ITPK1: variants seen among roughly 807,000 people sequenced by gnomAD.
The protein encoded by ITPK1 is inositol 1,3,4-trisphosphate 5/6-kinase.
Under a neutral mutation model 45.3 loss-of-function variants are expected in ITPK1, and 21 were observed. The observed-to-expected ratio is 0.46, with a 90% CI of 0.33 to 0.67. The LOEUF is 0.67. Among genes scored for constraint, ITPK1 ranks in the 30% least tolerant of loss-of-function variants. ITPK1 has a pLI of 0.02. For synonymous variants in ITPK1, 258 were observed against 253.6 expected, an observed-to-expected ratio of 1.02 and a Z score of -0.16; for missense variants, 474 against 573.5, an observed-to-expected ratio of 0.83 and a Z score of 1.77.
chr14:93,095,001 C>T (rs1892014829), intron 2 of ITPK1, among the ~76,000 whole-genome samples: 1 of 152,240 alleles, frequency 6.6e-6, no homozygotes, highest in African/African-American at 2.4e-5. Flanking sequence ...CAAGGGTCAC[C>T]ACCTGTGGAA....
intron 2 of ITPK1, among the ~76,000 whole-genome samples, chr14:93,113,165 T>C (rs1439899896): frequency 6.6e-6 from 1 of 152,166 alleles, no homozygotes; most frequent in Non-Finnish European, 1.5e-5. Context: ...TTGAAGCCAA[T>C]ATTTTGGCCA....
intron 10 of ITPK1, among the ~76,000 whole-genome samples, chr14:92,944,463 C>A (rs1887583730): frequency 6.6e-6 from 1 of 152,154 alleles, no homozygotes; most frequent in African/African-American, 2.4e-5. Context: ...CAGTGCCCCA[C>A]ACTGACTCAC....
At chr14:93,039,303 C>T (rs1004626026) in intron 3 of ITPK1, among the ~76,000 whole-genome samples, 5 of 152,210 alleles carry the variant, frequency 3.3e-5, no homozygotes, top group African/African-American at 1.2e-4. Flanking sequence ...TGTTCTCTCT[C>T]CTTCTCAGCT....
chr14:93,019,986 A>C (rs1190350285), intron 3 of ITPK1, among the ~76,000 whole-genome samples: 1 of 152,214 alleles, frequency 6.6e-6, no homozygotes, highest in Non-Finnish European at 1.5e-5. Context: ...TCCCAGCAGG[A>C]GCAAGGGTGT....
In ITPK1 at chr14:93,112,284, C is replaced by T. The variant is rs142084669; in HGVS notation, c.95+2785G>A. On this transcript the variant is annotated intron_variant, in intron 2 of 10. Coordinates refer to ENST00000267615, the MANE Select transcript of ITPK1 (RefSeq NM_014216.6). The stretch of plus-strand genomic sequence containing the variant: ...CTGCCCCCTCTCTTGATGGGTTTCC[C>T]CATCTGTAAGACAAAGGGGCTAGAT... Among the ~76,000 whole-genome samples the T allele has an allele frequency of 4.1e-3, 619 of 152,176 alleles. 5 individuals are homozygous for T. Among genetic ancestry groups the T allele is most frequent in the African/African-American group, 0.014 (579 of 41,510 alleles).
In ITPK1 at chr14:92,940,211, G is replaced by A; in HGVS notation, c.*1350C>T. 1 of 986,316 alleles carries A rather than the reference G, an allele frequency of 1.0e-6. No homozygotes were observed. Among genetic ancestry groups the A allele is most frequent in the Non-Finnish European group, 1.2e-6 (1 of 830,532 alleles). 61.1% of individuals were successfully genotyped at this position (986,316 alleles called of 1,614,324 possible). On this transcript the variant is annotated 3_prime_UTR_variant, in exon 11 of 11. Transcript: ENST00000267615. ...CTAGCGTCCTCCATCTCACTGGGCA[G>A]AGGACAGCCCGGAAGCCTTTTTCAC...
At position 93,006,394 on chromosome 14, in the gene ITPK1, T is replaced by C. The variant is rs1349431997; in HGVS notation, c.246+10282A>G. On this transcript the variant is annotated intron_variant, in intron 4 of 10. Transcript: ENST00000267615. ...TCCAGGGTGAATGAACTGTACATGA[T>C]TCTCCATTTCAGATTGGGGGAAGGC... Among the ~76,000 whole-genome samples the C allele has an allele frequency of 2.0e-5, 3 of 152,244 alleles. No individual in the cohort carries two copies. In the East Asian group the frequency reaches 5.8e-4, roughly 29 times the overall value.
intron 3 of ITPK1, chr14:93,066,330 GTGTGTGTGTGTA>G: frequency 1.3e-5 from 6 of 449,034 alleles, no homozygotes; most frequent in Non-Finnish European, 1.8e-5. Context: ...ATGTGTGTGT[GTGTGTGTGTGTA>G]GGGGGCAGAG....
At chr14:93,037,113 G>A (rs1018966820) in intron 3 of ITPK1, 12 of 152,312 alleles carry the variant, frequency 7.9e-5, no homozygotes, top group Admixed American at 3.3e-4. Flanking sequence ...CTCCTGCTCT[G>A]AGCCAGGCCA....
rs536262739 is a variant in ITPK1, at chr14:92,941,568, G to A, written c.1238C>T (p.Ser413Phe). 3.5e-5 allele frequency: 53 copies of A among 1,535,036 alleles called. No individual in the cohort carries two copies. In the African/African-American group the frequency reaches 6.9e-4, roughly 20 times the overall value. The change falls in exon 11 of 11, where the codon TCC becomes TTC. Residue 413 changes from serine to phenylalanine, a missense_variant. This residue lies in a region of ITPK1 where 107 missense variants were observed against 92.9 expected (regional missense o/e 1.15). Coordinates refer to ENST00000267615, the MANE Select transcript of ITPK1 (RefSeq NM_014216.6). ...CVASLATKAS[S>F]Q Reference sequence around the variant, plus strand: ...TGGGTCCCGGCTCCGTGGCTACTGGGAGGAGGCCTTGGTGGCCAGGGAGGC... The same window carrying A: ...TGGGTCCCGGCTCCGTGGCTACTGGAAGGAGGCCTTGGTGGCCAGGGAGGC...
chr14:92,946,067 GGA>G (rs1404509673), intron 10 of ITPK1, among the ~76,000 whole-genome samples: 1 of 152,190 alleles, frequency 6.6e-6, no homozygotes, highest in Non-Finnish European at 1.5e-5. Flanking sequence ...TGACGCAGGT[GGA>G]GAGAGGAGGT....
At chr14:92,941,968 G>A in intron 10 of ITPK1, 64 bp from the exon 11 acceptor site, 6 of 1,435,362 alleles carry the variant, frequency 4.2e-6, no homozygotes, top group Non-Finnish European at 5.8e-6. Context: ...GCAGGGAGGA[G>A]GAGGAGGAGG....
chr14:93,054,694 C>G (rs957824069), intron 3 of ITPK1, among the ~76,000 whole-genome samples: 2 of 152,176 alleles, frequency 1.3e-5, no homozygotes, highest in African/African-American at 4.8e-5. Context: ...AGGAGAGCTT[C>G]AGGAGGGGCG....
intron 9 of ITPK1, among the ~76,000 whole-genome samples, chr14:92,948,820 T>C (rs1224013799): frequency 2.5e-5 from 3 of 119,922 alleles, no homozygotes; most frequent in South Asian, 2.6e-4. Context: ...GAGGGACCCA[T>C]GCCCGGGCAC....
At chr14:93,015,145 G>A (rs926533797) in intron 4 of ITPK1, among the ~76,000 whole-genome samples, 3 of 152,182 alleles carry the variant, frequency 2.0e-5, no homozygotes, top group African/African-American at 7.2e-5. Flanking sequence ...TGTGTAGGTT[G>A]GAGGCAGAGA....
At chr14:92,978,312 A>G (rs537696850) in intron 5 of ITPK1, among the ~76,000 whole-genome samples, 3 of 152,074 alleles carry the variant, frequency 2.0e-5, no homozygotes, top group African/African-American at 7.3e-5. Context: ...AAACAAAGAA[A>G]TGACCAGAAA....
chr14:93,039,773 A>G (rs1337781314), intron 3 of ITPK1, among the ~76,000 whole-genome samples: 1 of 152,212 alleles, frequency 6.6e-6, no homozygotes, highest in African/African-American at 2.4e-5. Context: ...CCTCAAAAAC[A>G]CTTGAGGAGC....
intron 3 of ITPK1, chr14:93,066,407 CT>C (rs751357627): frequency 0.1 from 29,727 of 287,950 alleles, 12 homozygotes; most frequent in South Asian, 0.16. Flanking sequence ...TTTAGCAATT[CT>C]TTTTTTTTTT....
Position 92,993,963 on chromosome 14 carries a change from A to G in ITPK1, c.281T>C (p.Leu94Pro). The G allele has an allele frequency of 6.2e-7, 1 of 1,613,976 alleles. No individual in the cohort carries two copies. Among genetic ancestry groups the G allele is most frequent in the Non-Finnish European group, 8.5e-7 (1 of 1,179,862 alleles). Residue 94 changes from leucine (L) to proline (P), a missense_variant, in exon 5 of 11, where the codon CTG (leucine) becomes CCG (proline). Physicochemically the swap from Leu to Pro is moderately conservative, Grantham distance 98 (BLOSUM62 -3). This residue lies in a region of ITPK1 where 367 missense variants were observed against 480.6 expected (regional missense o/e 0.76). Coordinates refer to ENST00000267615, the MANE Select transcript of ITPK1 (RefSeq NM_014216.6). ...GGTTCTGATGGCAGGGAGCGGGTCC[A>G]GGACGATGGTCTCAGGGTGGGCATC... is the stretch of plus-strand genomic sequence containing the variant. ...YIDAHPETIVLDPLPAIRTLL... is the reference protein window; with the variant it reads ...YIDAHPETIVPDPLPAIRTLL...
Sources: allele counts gnomAD v4.1 joint callset (sites outside exome capture counted in the v4.1 genomes callset), GRCh38; gene constraint gnomAD v4.1.1; regional missense constraint gnomAD v4.1.1; transcripts MANE v1.5; gene names NCBI Gene and HGNC (gene_info 2026-07-23, HGNC 2026-07-21).